The following NUP98 variants were observed in gnomAD, a reference collection of about 807,000 sequenced individuals.
NUP98 encodes the protein nucleoporin 98 and 96 precursor.
A neutral mutation model predicts 191.9 loss-of-function variants in NUP98; 26 were observed. The observed-to-expected ratio is 0.14, with a 90% CI of 0.10 to 0.19. NUP98 has a LOEUF of 0.19. Among genes scored for constraint, NUP98 ranks in the 10% least tolerant of loss-of-function variants. NUP98 has a pLI of 1.00. For missense variants in NUP98, 1,941 were observed against 2,178.8 expected, an observed-to-expected ratio of 0.89 and a Z score of 2.17; for synonymous variants, 808 against 778.4, an observed-to-expected ratio of 1.04 and a Z score of -0.63.
chr11:3,783,635 G>A (rs1056269753), intron 1 of NUP98, among the ~76,000 whole-genome samples: 5 of 152,194 alleles, frequency 3.3e-5, no homozygotes, highest in African/African-American at 7.2e-5. Context: ...GGAGGCAGAG[G>A]TTGCAGTGAG....
Position 3,775,906 on chromosome 11 carries a change from A to G in NUP98, c.471T>C (p.Pro157=), listed in dbSNP as rs758906644. The change falls in exon 5 of 33, where the codon CCT becomes CCC. Residue 157 remains proline (P), a synonymous_variant. Coordinates refer to ENST00000324932, the MANE Select transcript of NUP98 (RefSeq NM_016320.5). ...CGTTAAATTTAATAGTAGTCCCAGT[A>G]GGAGCAGCTGTAAAACTACTTGGCC... ...LFGPSSFTAA[P]TGTTIKFNPP... The G allele has an allele frequency of 9.9e-6, 16 of 1,613,662 alleles. No homozygotes were observed. The highest frequency in any genetic ancestry group is 8.5e-6 in the Non-Finnish European group (10 of 1,179,812).
intron 12 of NUP98, among the ~76,000 whole-genome samples, chr11:3,742,638 G>A (rs535597069): frequency 1.9e-4 from 28 of 145,648 alleles, no homozygotes; most frequent in African/African-American, 6.9e-4. Context: ...GGCAGAGGTT[G>A]CAGTGAGCCG....
intron 14 of NUP98, among the ~76,000 whole-genome samples, chr11:3,726,578 T>C (rs760079846): frequency 2.0e-5 from 3 of 150,168 alleles, no homozygotes; most frequent in Non-Finnish European, 4.4e-5. Flanking sequence ...GCCAATAAAT[T>C]TGAAATTTTA....
chr11:3,767,415 C>T (rs2672219), intron 8 of NUP98, among the ~76,000 whole-genome samples: 68,061 of 151,470 alleles, frequency 0.45, 15,370 homozygotes, highest in African/African-American at 0.49. Context: ...GCAACCTCTG[C>T]CTCCCCCTGG....
chr11:3,706,439 C>G lies in NUP98; in HGVS notation c.2925+6G>C, dbSNP rs913872903. On this transcript the variant is annotated splice_donor_region_variant and intron_variant, in intron 21 of 32. Transcript: ENST00000324932. ...CTGTTACAAAAAAGGTGGGTTAGAA[C>G]TTCACCTGTAAGACATGTGGATTAA... 2.5e-6 allele frequency: 4 copies of G among 1,613,892 alleles called. No homozygotes were observed. The highest frequency in any genetic ancestry group is 2.7e-5 in the African/African-American group (2 of 75,036).
At chr11:3,692,520 G>A (rs1196632039) in intron 27 of NUP98, among the ~76,000 whole-genome samples, 3 of 151,874 alleles carry the variant, frequency 2.0e-5, no homozygotes, top group East Asian at 1.9e-4. Context: ...CCAGCTACCC[G>A]GGAGGCAGAG....
chr11:3,779,245 C>T lies in NUP98; in HGVS notation c.89G>A (p.Gly30Asp). ...TSTFGQNTGF[G>D]TTSGGAFGTS... ...TCCAAATGCCCCTCCACTAGTAGTG[C>T]CAAAGCCAGTATCTGAAAAAGCAAA... The change falls in exon 3 of 33, where the codon GGC (glycine) becomes GAC (aspartate). Residue 30 changes from glycine (G) to aspartate (D), a missense_variant. Around this residue, in one of 6 missense-constraint regions of NUP98, gnomAD observed 154 missense variants for 182.9 expected, o/e 0.84. Transcript: ENST00000324932. The T allele has an allele frequency of 4.3e-6, 7 of 1,613,934 alleles. No individual in the cohort carries two copies. The highest frequency in any genetic ancestry group is 1.3e-5 in the African/African-American group (1 of 75,044).
chr11:3,697,822 A>T (rs1401670907), intron 25 of NUP98, among the ~76,000 whole-genome samples: 1 of 28,492 alleles, frequency 3.5e-5, no homozygotes, highest in African/African-American at 1.1e-4. Flanking sequence ...CTCTGTCTTA[A>T]AAAAAAAAAA....
Position 3,714,003 on chromosome 11 carries a change from A to G in NUP98, c.2400-8T>C. 6.2e-7 allele frequency: 1 copy of G among 1,613,432 alleles called. No homozygotes were observed. Among genetic ancestry groups the G allele is most frequent in the Admixed American group, 1.7e-5 (1 of 59,770 alleles). Reference sequence around the variant, plus strand: ...AATGTAACTTCAGCCTTCCTGTAAAACATAACCAATTAAAGTAACCAATTA... The same window carrying G: ...AATGTAACTTCAGCCTTCCTGTAAAGCATAACCAATTAAAGTAACCAATTA... On this transcript the variant is annotated splice_polypyrimidine_tract_variant and splice_region_variant and intron_variant, in intron 18 of 32. Transcript: ENST00000324932.
At chr11:3,763,119 A>G (rs2081229255) in intron 8 of NUP98, 80 bp from the exon 9 acceptor site, 1 of 1,403,226 alleles carries the variant, frequency 7.1e-7, no homozygotes, top group Admixed American at 2.1e-5. Context: ...AAAAAAAGTT[A>G]CCATTTTTTC....
intron 1 of NUP98, among the ~76,000 whole-genome samples, chr11:3,788,973 T>C (rs1301995063): frequency 1.3e-5 from 2 of 151,984 alleles, no homozygotes; most frequent in Admixed American, 1.3e-4. Context: ...AAAAAACCTG[T>C]CAGTTACCAT....
At chr11:3,776,794 A>C (rs892658569) in intron 4 of NUP98, among the ~76,000 whole-genome samples, 1 of 62 alleles carries the variant, frequency 0.016, no homozygotes, top group Non-Finnish European at 0.033. Flanking sequence ...GCCCGGCCCA[A>C]ATAGAAATTC....
At chr11:3,765,068 T>C (rs568903706) in intron 8 of NUP98, among the ~76,000 whole-genome samples, 2 of 152,242 alleles carry the variant, frequency 1.3e-5, no homozygotes, top group Non-Finnish European at 2.9e-5. Flanking sequence ...TACTGAATTA[T>C]AAGAGTTATT....
intron 20 of NUP98, chr11:3,711,951 C>G: frequency 9.6e-7 from 1 of 1,043,120 alleles, no homozygotes; most frequent in Non-Finnish European, 1.2e-6. Context: ...GTAGAGGATG[C>G]TTTACAAAGA....
chr11:3,794,661 G>A (rs1481064331), intron 1 of NUP98, among the ~76,000 whole-genome samples: 2 of 152,098 alleles, frequency 1.3e-5, no homozygotes, highest in Non-Finnish European at 2.9e-5. Flanking sequence ...CAGTTTCCCA[G>A]GCTGGAAAGC....
intron 1 of NUP98, among the ~76,000 whole-genome samples, chr11:3,797,128 CCAGA>C (rs1306120333): frequency 6.6e-6 from 1 of 152,258 alleles, no homozygotes; most frequent in Admixed American, 6.5e-5. Context: ...ATGAGTACAA[CCAGA>C]CAGACACCCA....
chr11:3,712,527 C>T (rs750291722), intron 20 of NUP98, 37 bp downstream of exon 20: 26 of 1,610,414 alleles, frequency 1.6e-5, no homozygotes, highest in East Asian at 6.7e-5. Context: ...TTCGGTATCA[C>T]GGATTCCATT....
intron 10 of NUP98, among the ~76,000 whole-genome samples, chr11:3,753,679 G>C (rs1255911776): frequency 1.4e-5 from 2 of 147,810 alleles, no homozygotes; most frequent in Admixed American, 1.4e-4. Context: ...GGGAGGCCGA[G>C]GCTGACAGAT....
At chr11:3,677,764 T>C (rs573166246) in intron 31 of NUP98, among the ~76,000 whole-genome samples, 2 of 152,286 alleles carry the variant, frequency 1.3e-5, no homozygotes, top group African/African-American at 4.8e-5. Context: ...GAGAAAGTGG[T>C]TTCTTCAAGT....
Sources: allele counts gnomAD v4.1 joint callset (sites outside exome capture counted in the v4.1 genomes callset), GRCh38; gene constraint gnomAD v4.1.1; regional missense constraint gnomAD v4.1.1; transcripts MANE v1.5; gene names NCBI Gene and HGNC (gene_info 2026-07-23, HGNC 2026-07-21).